The following ZFHX3 variants were observed in gnomAD, a reference collection of about 807,000 sequenced individuals.
ZFHX3 encodes the protein zinc finger homeobox 3, also known as zinc finger homeobox protein 3.
A neutral mutation model predicts 279.1 loss-of-function variants in ZFHX3; 42 were observed. The ratio of observed to expected loss-of-function variants is 0.15; its 90% CI spans 0.12 to 0.19. ZFHX3 has a LOEUF of 0.19. ZFHX3 is among the 10% of genes least tolerant of loss of function. The probability of loss-of-function intolerance (pLI) is 1.00; values close to 1 mark genes in which losing one functional copy is unlikely to be tolerated. For missense variants in ZFHX3, 4,981 were observed against 4,754.0 expected (o/e 1.05, Z -1.40); for synonymous variants, 2,293 against 1,957.8 (o/e 1.17, Z -4.52).
intron 2 of ZFHX3, among the ~76,000 whole-genome samples, chr16:73,584,502 T>C (rs969146046): frequency 3.3e-5 from 5 of 152,068 alleles, no homozygotes; most frequent in African/African-American, 7.2e-5. Context: ...TAACTAGAAG[T>C]GTACACTTCA....
At chr16:73,126,672 G>C (rs891245509) in intron 7 of ZFHX3, 3 of 152,256 alleles carry the variant, frequency 2.0e-5, no homozygotes, top group Non-Finnish European at 2.9e-5. Flanking sequence ...TGCAATATCA[G>C]CTCCTGGTAA....
chr16:73,286,144 C>T (rs2014590366), intron 4 of ZFHX3, among the ~76,000 whole-genome samples: 1 of 152,048 alleles, frequency 6.6e-6, no homozygotes, highest in Non-Finnish European at 1.5e-5. Flanking sequence ...CCCATGGTCT[C>T]TCCCTCCCTC....
At chr16:73,667,087 G>A (rs982510529) in intron 2 of ZFHX3, among the ~76,000 whole-genome samples, 12 of 151,992 alleles carry the variant, frequency 7.9e-5, no homozygotes, top group African/African-American at 2.9e-4. Flanking sequence ...CACCTCTCGG[G>A]TTCAAGCGAT....
intron 2 of ZFHX3, among the ~76,000 whole-genome samples, chr16:73,543,395 T>C (rs1474140557): frequency 1.3e-5 from 2 of 152,208 alleles, no homozygotes; most frequent in African/African-American, 2.4e-5. Flanking sequence ...GAGGGATTAA[T>C]TGGAGCTGTG....
chr16:73,321,285 G>C (rs998188059), intron 3 of ZFHX3, among the ~76,000 whole-genome samples: 2 of 152,112 alleles, frequency 1.3e-5, no homozygotes, highest in African/African-American at 4.8e-5. Flanking sequence ...CTCAGGAGGC[G>C]AGATCCTAAA....
At position 73,410,582 on chromosome 16, in the gene ZFHX3, T is replaced by C. The variant is rs557163107; in HGVS notation, c.-1291+45421A>G. On this transcript the variant is annotated intron_variant, in intron 3 of 17. Coordinates refer to the ZFHX3 transcript ENST00000641206. ...GTGTCTTATGTACCCCAAAAATATA[T>C]ATATAACTACTGTGTATCCACAATT... is the stretch of plus-strand genomic sequence containing the variant. 3.9e-5 allele frequency among the ~76,000 whole-genome samples: 6 copies of C among 152,272 alleles called. No homozygotes were observed. The South Asian group carries it at 1.0e-3, about 26-fold the overall frequency.
chr16:73,682,919 AG>A (rs1567550620), intron 1 of ZFHX3, among the ~76,000 whole-genome samples: 704 of 46,962 alleles, frequency 0.015, 9 homozygotes, highest in Non-Finnish European at 0.018. Context: ...AAAGAAAGAG[AG>A]AAAGAGAAAG....
intron 2 of ZFHX3, among the ~76,000 whole-genome samples, chr16:73,596,074 G>A (rs1364780772): frequency 6.6e-6 from 1 of 151,612 alleles, no homozygotes; most frequent in Admixed American, 6.6e-5. Context: ...AGGCTGGAGT[G>A]CAGTGGTGCA....
chr16:73,790,384 T>C (rs565743314), intron 1 of ZFHX3, among the ~76,000 whole-genome samples: 27 of 152,316 alleles, frequency 1.8e-4, no homozygotes, highest in African/African-American at 6.5e-4. Context: ...TACACATTGC[T>C]ACTGGTTTAC....
chr16:73,753,410 C>A (rs2053778265), intron 1 of ZFHX3, among the ~76,000 whole-genome samples: 2 of 152,174 alleles, frequency 1.3e-5, no homozygotes, highest in South Asian at 4.1e-4. Context: ...GAAGTGACCA[C>A]CCCTTTGCCA....
chr16:73,339,086 T>A (rs963284607), intron 3 of ZFHX3, among the ~76,000 whole-genome samples: 1 of 152,176 alleles, frequency 6.6e-6, no homozygotes, highest in Non-Finnish European at 1.5e-5. Context: ...ACTTCTTTTC[T>A]TTTAAACTAC....
upstream of ZFHX3, among the ~76,000 whole-genome samples, chr16:73,064,580 A>G (rs1965723231): frequency 6.6e-6 from 1 of 151,676 alleles, no homozygotes; most frequent in Non-Finnish European, 1.5e-5. Flanking sequence ...TCTCCAGTAC[A>G]TGGATTGTGG....
At chr16:73,325,282 G>A (rs921923953) in intron 3 of ZFHX3, among the ~76,000 whole-genome samples, 1 of 152,170 alleles carries the variant, frequency 6.6e-6, no homozygotes, top group Admixed American at 6.5e-5. Context: ...CTCTACTATG[G>A]CCCAGGCATG....
At chr16:73,558,511 T>C (rs1448681399) in intron 2 of ZFHX3, 1 of 152,218 alleles carries the variant, frequency 6.6e-6, no homozygotes, top group East Asian at 1.9e-4. Context: ...TCAGGGCCTC[T>C]TATTTCTCAT....
chr16:73,372,219 T>A (rs1177372756), intron 3 of ZFHX3, among the ~76,000 whole-genome samples: 3 of 152,224 alleles, frequency 2.0e-5, no homozygotes, highest in Admixed American at 2.0e-4. Flanking sequence ...CGCCTACCAG[T>A]ACTTTTGTGA....
At chr16:73,326,173 T>C (rs2015684912) in intron 3 of ZFHX3, among the ~76,000 whole-genome samples, 1 of 152,234 alleles carries the variant, frequency 6.6e-6, no homozygotes, top group Non-Finnish European at 1.5e-5. Flanking sequence ...CTTTATCATT[T>C]ATTCAATGCT....
At chr16:73,715,516 G>C (rs1436260498) in intron 1 of ZFHX3, among the ~76,000 whole-genome samples, 3 of 149,734 alleles carry the variant, frequency 2.0e-5, no homozygotes, top group African/African-American at 7.4e-5. Context: ...TGAAGACACT[G>C]AGGCCGAAAC....
chr16:73,731,131 G>T (rs948442579), intron 1 of ZFHX3, among the ~76,000 whole-genome samples: 1 of 152,154 alleles, frequency 6.6e-6, no homozygotes, highest in African/African-American at 2.4e-5. Context: ...TCTGCGCTCT[G>T]TATTTTTTTG....
At chr16:72,926,274 T>C (rs1959443062) in intron 3 of ZFHX3, among the ~76,000 whole-genome samples, 1 of 152,192 alleles carries the variant, frequency 6.6e-6, no homozygotes, top group Non-Finnish European at 1.5e-5. Flanking sequence ...ACAGTTCCCC[T>C]AAGCAATGTG....
Sources: gnomAD v4.1 joint callset for allele counts (sites outside exome capture counted in the v4.1 genomes callset) on GRCh38, gnomAD v4.1.1 for gene constraint, MANE v1.5 for transcripts, NCBI Gene and HGNC (gene_info 2026-07-23, HGNC 2026-07-21) for gene names.